AXL: variants seen among roughly 807,000 people sequenced by gnomAD.
The protein encoded by AXL is AXL receptor tyrosine kinase.
In AXL, 52 loss-of-function variants were observed where a neutral mutation model predicts 104.5. The ratio of observed to expected loss-of-function variants is 0.50; its 90% CI spans 0.40 to 0.63. The LOEUF (loss-of-function observed/expected upper bound fraction) is 0.63, where lower values mean the gene tolerates loss of function less well. AXL is among the 20% of genes least tolerant of loss of function. The pLI, the probability that AXL is intolerant of heterozygous loss-of-function variation, is 0.00. For synonymous variants in AXL, 455 were observed against 473.7 expected (o/e 0.96, Z 0.51); for missense variants, 1,024 against 1,188.5 (o/e 0.86, Z 2.04).
At chr19:41,225,764 G>A (rs568887252) in intron 4 of AXL, among the ~76,000 whole-genome samples, 1 of 152,130 alleles carries the variant, frequency 6.6e-6, no homozygotes, top group South Asian at 2.1e-4. Context: ...TCTGTGTGCC[G>A]TTAACTTACC....
At chr19:41,230,626 ATG>A in intron 4 of AXL, among the ~76,000 whole-genome samples, 1 of 136,352 alleles carries the variant, frequency 7.3e-6, no homozygotes, top group African/African-American at 2.8e-5. Context: ...ATGTGTGTCT[ATG>A]TGTGTGTATG....
chr19:41,230,145 G>GTGGC (rs2033951487), intron 4 of AXL, among the ~76,000 whole-genome samples: 2 of 116,210 alleles, frequency 1.7e-5, no homozygotes, highest in African/African-American at 7.7e-5. Flanking sequence ...GTGTGTGGCT[G>GTGGC]TGTCTGTTTC....
At chr19:41,250,332 A>T (rs1032120849) in intron 14 of AXL, among the ~76,000 whole-genome samples, 1 of 152,208 alleles carries the variant, frequency 6.6e-6, no homozygotes, top group Non-Finnish European at 1.5e-5. Flanking sequence ...TGAATAGAGA[A>T]TGATCCTTTC....
chr19:41,253,800 G>A (rs2122281643), intron 17 of AXL, 92 bp downstream of exon 17: 1 of 1,062,000 alleles, frequency 9.4e-7, no homozygotes, highest in Non-Finnish European at 1.4e-6. Context: ...AGCAGGGCTA[G>A]ACACCCGCTG....
At chr19:41,234,645 A>G (rs1036877937) in intron 6 of AXL, among the ~76,000 whole-genome samples, 11 of 152,242 alleles carry the variant, frequency 7.2e-5, no homozygotes, top group African/African-American at 2.7e-4. Context: ...TTATACCCTG[A>G]CAAGTAAGAA....
chr19:41,235,110 T>C (rs2034055776), intron 6 of AXL, among the ~76,000 whole-genome samples: 1 of 152,218 alleles, frequency 6.6e-6, no homozygotes, highest in South Asian at 2.1e-4. Flanking sequence ...CCCAGCACTT[T>C]GGGAGGCTGA....
Position 41,260,298 on chromosome 19 carries a change from C to CTCTT in AXL, c.*395_*396insCTTT, listed in dbSNP as rs2034517821. On this transcript the variant is annotated 3_prime_UTR_variant, in exon 20 of 20. Transcript: ENST00000301178. ...TAAAGTGCTAAGGTTCTAAGGCCTA[C>CTCTT]TTTTTTTTTTTTTTTTTTTTTTTTT... 1 of 48,572 alleles carries CTCTT rather than the reference C, an allele frequency of 2.1e-5. No individual in the cohort carries two copies. The highest frequency in any genetic ancestry group is 2.8e-4 in the Admixed American group (1 of 3,590). 3.0% of individuals were successfully genotyped at this position (48,572 alleles called of 1,614,324 possible). A position where few individuals can be genotyped will look rare whatever the true frequency, so the allele number is the denominator to read the frequency against.
At chr19:41,236,208 C>G (rs2034075625) in intron 6 of AXL, among the ~76,000 whole-genome samples, 1 of 151,880 alleles carries the variant, frequency 6.6e-6, no homozygotes, top group African/African-American at 2.4e-5. Context: ...TGGCACATGA[C>G]TGTAGCCCCA....
intron 6 of AXL, among the ~76,000 whole-genome samples, chr19:41,236,796 A>G (rs1164867075): frequency 1.3e-5 from 2 of 151,956 alleles, no homozygotes; most frequent in Non-Finnish European, 1.5e-5. Context: ...GAAAAAAAAA[A>G]AAAAAGAAAA....
chr19:41,241,637 C>T (rs1568414197), intron 10 of AXL, among the ~76,000 whole-genome samples: 2 of 150,570 alleles, frequency 1.3e-5, no homozygotes, highest in Non-Finnish European at 3.0e-5. Flanking sequence ...ACCTGCAGTC[C>T]CAGCTACTCA....
intron 7 of AXL, 41 bp from the exon 8 acceptor site, chr19:41,238,426 GGAA>G: frequency 6.3e-7 from 1 of 1,592,474 alleles, no homozygotes; most frequent in Non-Finnish European, 8.6e-7. Context: ...GAGGGGGTCA[GGAA>G]GAGGTGGGGG....
At position 41,221,511 on chromosome 19, in the gene AXL, C is replaced by T. The variant is rs1599723879; in HGVS notation, c.409+265C>T. Reference sequence around the variant, plus strand: ...AGTTGGATGTCCTAGGCATCAGACACCATCAGGTCACAGGAGGCCATTCTG... The same window carrying T: ...AGTTGGATGTCCTAGGCATCAGACATCATCAGGTCACAGGAGGCCATTCTG... On this transcript the variant is annotated intron_variant, in intron 3 of 19. Coordinates refer to ENST00000301178, the MANE Select transcript of AXL (RefSeq NM_021913.5). The T allele has an allele frequency of 9.9e-6, 5 of 505,514 alleles. No homozygotes were observed. The East Asian group carries it at 1.4e-4, about 14-fold the overall frequency. 31.3% of individuals were successfully genotyped at this position (505,514 alleles called of 1,614,324 possible).
At chr19:41,226,873 C>T (rs2033891561) in intron 4 of AXL, 4 of 866,316 alleles carry the variant, frequency 4.6e-6, no homozygotes, top group Non-Finnish European at 5.5e-6. Context: ...GCGGGAGGAT[C>T]GCTTGGGGCC....
chr19:41,259,920 G>A lies in AXL; in HGVS notation c.*16G>A. On this transcript the variant is annotated 3_prime_UTR_variant, in exon 20 of 20. Coordinates refer to ENST00000301178, the MANE Select transcript of AXL (RefSeq NM_021913.5). Reference sequence around the variant, plus strand: ...TGGTGCCTGAGACAACCCTCCACCTGGTACTCCCTCTCAGGATCCAAGCTA... The same window carrying A: ...TGGTGCCTGAGACAACCCTCCACCTAGTACTCCCTCTCAGGATCCAAGCTA... 6.5e-7 allele frequency: 1 copy of A among 1,534,654 alleles called. No homozygotes were observed. Among genetic ancestry groups the A allele is most frequent in the Non-Finnish European group, 8.8e-7 (1 of 1,138,836 alleles).
Position 41,220,068 on chromosome 19 carries a change from G to GTC in AXL, c.86-556_86-555dup, listed in dbSNP as rs140305398. ...GCCTTTATCTCTCCCTGCTCTCTGA[G>GTC]TCTCTCTCTCTCTTCTCAGCCTCCC... On this transcript the variant is annotated intron_variant, in intron 1 of 19. Transcript: ENST00000301178. Among the ~76,000 whole-genome samples, 99 of 151,558 alleles carry GTC rather than the reference G, an allele frequency of 6.5e-4. 2 individuals are homozygous for GTC. The South Asian group carries it at 0.019, about 29-fold the overall frequency.
chr19:41,253,746 C>T lies in AXL; in HGVS notation c.2036+38C>T, dbSNP rs1365335157. 2.0e-6 allele frequency: 3 copies of T among 1,489,624 alleles called. No homozygotes were observed. The South Asian group carries it at 3.5e-5, about 17-fold the overall frequency. The allele number at this position is 1,489,624 out of a possible 1,614,324, so 92.3% of individuals were successfully genotyped here. On this transcript the variant is annotated intron_variant, in intron 17 of 19. Coordinates refer to ENST00000301178, the MANE Select transcript of AXL (RefSeq NM_021913.5). Reference sequence around the variant, plus strand: ...CAGGGACCCCCCCCCCCCAACTGCTCCTGCACTCCCTGAGGGAGTTCCCTC... The same window carrying T: ...CAGGGACCCCCCCCCCCCAACTGCTTCTGCACTCCCTGAGGGAGTTCCCTC...
intron 11 of AXL, 38 bp from the exon 12 acceptor site, chr19:41,243,578 G>A (rs779621727): frequency 6.5e-7 from 1 of 1,537,850 alleles, no homozygotes; most frequent in Admixed American, 1.7e-5. Flanking sequence ...GTTCCACATG[G>A]TTTTTCCCTG....
chr19:41,259,694 T>G lies in AXL; in HGVS notation c.2475T>G (p.Asp825Glu). 1.9e-6 allele frequency: 3 copies of G among 1,614,072 alleles called. No homozygotes were observed. Among genetic ancestry groups the G allele is most frequent in the Non-Finnish European group, 2.5e-6 (3 of 1,180,014 alleles). ...ACGAAATCCTCTATGTCAACATGGA[T>G]GAGGGTGGAGGTTATCCTGAACCCC... is the stretch of plus-strand genomic sequence containing the variant. ...EPDEILYVNM[D>E]EGGGYPEPPG... Residue 825 changes from aspartate (D) to glutamate (E), a missense_variant, in exon 20 of 20, where the codon GAT becomes GAG. Asp to Glu is a conservative substitution (Grantham distance 45). This residue lies in a region of AXL where 523 missense variants were observed against 636.0 expected (regional missense o/e 0.82). Transcript: ENST00000301178.
chr19:41,252,269 T>C, intron 14 of AXL, 82 bp from the exon 15 acceptor site: 1 of 1,103,570 alleles, frequency 9.1e-7, no homozygotes. Context: ...ATGATGATGA[T>C]GATGATGATG....
Sources: gnomAD v4.1 joint callset for allele counts (sites outside exome capture counted in the v4.1 genomes callset) on GRCh38, gnomAD v4.1.1 for gene constraint, gnomAD v4.1.1 regional missense constraint, MANE v1.5 for transcripts, NCBI Gene and HGNC (gene_info 2026-07-23, HGNC 2026-07-21) for gene names.